The following LARP1 variants were observed in gnomAD, a reference collection of about 807,000 sequenced individuals.
The protein encoded by LARP1 is La ribonucleoprotein 1, translational regulator, also known as la-related protein 1.
LARP1 carries 36 observed loss-of-function variants against 122.7 expected under a neutral mutation model. The observed-to-expected ratio is 0.29, with a 90% CI of 0.22 to 0.39. The LOEUF (loss-of-function observed/expected upper bound fraction) is 0.39, where lower values mean the gene tolerates loss of function less well. Ranked by LOEUF, LARP1 falls within the 10% of genes least tolerant of loss-of-function variation. The pLI is 1.00. For missense variants in LARP1, 1,040 were observed against 1,403.6 expected, an observed-to-expected ratio of 0.74 and a Z score of 4.14; for synonymous variants, 539 against 528.7, an observed-to-expected ratio of 1.02 and a Z score of -0.27.
In LARP1 at chr5:154,771,806, C is replaced by T. The variant is rs542168556; in HGVS notation, c.436+15613C>T. Among the ~76,000 whole-genome samples the T allele has an allele frequency of 3.3e-5, 5 of 152,168 alleles. No individual in the cohort carries two copies. In the South Asian group the frequency reaches 1.0e-3, roughly 32 times the overall value. The stretch of plus-strand genomic sequence containing the variant: ...CTCTGCCGGGCCACATGCAGGCCTG[C>T]TGGAAAGACCTTGTAGTTTTTCACG... On this transcript the variant is annotated intron_variant, in intron 1 of 18. Transcript: ENST00000518297.
intron 1 of LARP1, among the ~76,000 whole-genome samples, chr5:154,720,051 C>T (rs1418122270): frequency 2.0e-5 from 3 of 151,864 alleles, no homozygotes; most frequent in Admixed American, 2.0e-4. Context: ...ATTAGCCAGG[C>T]GTGATGGCAT....
intron 14 of LARP1, 200 bp from the exon 15 acceptor site, chr5:154,805,681 C>T (rs1383107564): frequency 1.7e-6 from 1 of 572,132 alleles, no homozygotes; most frequent in African/African-American, 1.9e-5. Context: ...GCCTCAGTAT[C>T]CTCTGTAAAA....
chr5:154,704,071 G>C (rs1422313883), intron 1 of LARP1, among the ~76,000 whole-genome samples: 1 of 152,126 alleles, frequency 6.6e-6, no homozygotes, highest in African/African-American at 2.4e-5. Context: ...TTGTCAGAGA[G>C]GCACACATTA....
chr5:154,696,547 G>A (rs1708245346), intron 1 of LARP1, among the ~76,000 whole-genome samples: 1 of 152,128 alleles, frequency 6.6e-6, no homozygotes, highest in South Asian at 2.1e-4. Flanking sequence ...CATATGCATT[G>A]TCTCATGTAA....
rs1229233690 is a variant in LARP1, at chr5:154,717,922, TTTTTTC to T, written c.205+4798_205+4803del. Among the ~76,000 whole-genome samples, 8 of 152,142 alleles carry T rather than the reference TTTTTTC, an allele frequency of 5.3e-5. 1 individual carries two copies. The highest frequency in any genetic ancestry group is 1.7e-4 in the African/African-American group (7 of 41,440). On this transcript the variant is annotated intron_variant, in intron 1 of 18. Transcript: ENST00000336314. ...GGGTTAGAAATAGCCTTTCATTTTC[TTTTTTC>T]TTTTTAAGAGTCAGTGTTTCACTCT...
upstream of LARP1, among the ~76,000 whole-genome samples, chr5:154,712,197 C>G (rs4958765): frequency 0.79 from 120,647 of 152,164 alleles, 48,032 homozygotes; most frequent in African/African-American, 0.86. Flanking sequence ...GCTATATAAT[C>G]TCCAAAGTCT....
At chr5:154,691,491 C>T (rs1754205625) in intron 1 of LARP1, among the ~76,000 whole-genome samples, 1 of 152,184 alleles carries the variant, frequency 6.6e-6, no homozygotes, top group Non-Finnish European at 1.5e-5. Context: ...ACGAGCTGCG[C>T]GCAGGTCGCG....
At position 154,713,083 on chromosome 5, in the gene LARP1, G is replaced by T. The variant is rs116274616; in HGVS notation, c.158G>T (p.Arg53Met). Residue 53 changes from arginine to methionine, a missense_variant, in exon 1 of 19, where the codon AGG becomes ATG. By Grantham distance (91) the Arg-to-Met change is moderately conservative. Transcript: ENST00000336314. ...CCGAGGAAGGAGCCCACAGGTGACAGGGAGAAGCCATTGCCATTCCCTGTC... is the reference window on the plus strand; with the variant it reads ...CCGAGGAAGGAGCCCACAGGTGACATGGAGAAGCCATTGCCATTCCCTGTC... The T allele has an allele frequency of 2.8e-4, 445 of 1,614,166 alleles. 1 individual carries two copies. In the African/African-American group the frequency reaches 5.2e-3, roughly 19 times the overall value.
At chr5:154,775,233 G>T (rs1755772430) in intron 1 of LARP1, among the ~76,000 whole-genome samples, 2 of 152,186 alleles carry the variant, frequency 1.3e-5, no homozygotes, top group African/African-American at 4.8e-5. Context: ...TCAGGAGCTT[G>T]AGGCTGCGGT....
chr5:154,686,302 T>C (rs562132677), intron 1 of LARP1, among the ~76,000 whole-genome samples: 2 of 152,238 alleles, frequency 1.3e-5, no homozygotes, highest in East Asian at 3.9e-4. Context: ...GCGGGGATGC[T>C]CCGGAAGAGG....
At chr5:154,786,766 T>G (rs1756919224) in intron 1 of LARP1, 1 of 187,454 alleles carries the variant, frequency 5.3e-6, no homozygotes, top group East Asian at 1.5e-4. Flanking sequence ...CCTACAGCTT[T>G]CATCCTGGCT....
chr5:154,693,862 A>C (rs1225145526), intron 1 of LARP1, among the ~76,000 whole-genome samples: 1 of 150,580 alleles, frequency 6.6e-6, no homozygotes, highest in Non-Finnish European at 1.5e-5. Context: ...TCTAAAAAAA[A>C]AAAAAAAAAA....
rs747636210 is a variant in LARP1, at chr5:154,793,990, T to C, written c.1059T>C (p.Gly353=). 12 of 1,610,066 alleles carry C rather than the reference T, an allele frequency of 7.5e-6. No homozygotes were observed. Among genetic ancestry groups the C allele is most frequent in the Non-Finnish European group, 1.0e-5 (12 of 1,177,424 alleles). The change falls in exon 6 of 19, where the codon GGT becomes GGC. Residue 353 remains glycine (G), a synonymous_variant. Coordinates refer to ENST00000518297, the MANE Select transcript of LARP1 (RefSeq NM_033551.3). ...GTCGCGGCCGGGGACGCGGCCGGGG[T>C]GGCACTCGAAGTACGTGAGGCCCCT... ...GRGRGRGRGR[G]GTRTHFDYQF...
rs200363474 is a variant in LARP1, at chr5:154,805,938, A to G, written c.2604A>G (p.Ser868=). The G allele has an allele frequency of 1.9e-6, 3 of 1,614,176 alleles. No homozygotes were observed. Among genetic ancestry groups the G allele is most frequent in the East Asian group, 2.2e-5 (1 of 44,878 alleles). The change falls in exon 15 of 19, where the codon TCA becomes TCG. Residue 868 remains serine (S), a synonymous_variant. Transcript: ENST00000518297. ...GCAGCTATGGCTGTACCCCTCAGTC[A>G]TTGCCCAAGTTCCAGCATCCTTCCC... is the stretch of plus-strand genomic sequence containing the variant. The part of the protein sequence containing the change: ...TVGSYGCTPQ[S]LPKFQHPSHE...
chr5:154,705,434 G>C (rs1016241940), intron 1 of LARP1, among the ~76,000 whole-genome samples: 4 of 151,990 alleles, frequency 2.6e-5, no homozygotes, highest in Non-Finnish European at 5.9e-5. Context: ...TGCAAGTGGT[G>C]CAGTATCAGC....
At position 154,813,963 on chromosome 5, in the gene LARP1, G is replaced by A. The variant is rs1167502846; in HGVS notation, c.3158G>A (p.Arg1053Gln). Residue 1053 changes from arginine (R) to glutamine (Q), a missense_variant, in exon 19 of 19, where the codon CGG becomes CAG. Physicochemically the swap from Arg to Gln is conservative, Grantham distance 43 (BLOSUM62 1). This residue lies in a region of LARP1 where 129 missense variants were observed against 160.8 expected (regional missense o/e 0.80). Transcript: ENST00000518297. ...GGTGGCGGCGGTGAGGGCAGGAAGC[G>A]GTGCCCCTCCCAGTCTTCCAGCAGG... ...AGGGGGEGRK[R>Q]CPSQSSSRPA... 1.5e-5 allele frequency: 24 copies of A among 1,613,896 alleles called. No individual in the cohort carries two copies. Among genetic ancestry groups the A allele is most frequent in the Non-Finnish European group, 1.8e-5 (21 of 1,179,976 alleles).
chr5:154,703,048 G>C (rs901421059), intron 1 of LARP1, among the ~76,000 whole-genome samples: 5 of 149,724 alleles, frequency 3.3e-5, no homozygotes, highest in South Asian at 2.1e-4. Context: ...TTGAACCCGG[G>C]AGGTGGAGGT....
chr5:154,766,926 CAG>C (rs957645727), intron 1 of LARP1, among the ~76,000 whole-genome samples: 6 of 152,174 alleles, frequency 3.9e-5, no homozygotes, highest in Non-Finnish European at 8.8e-5. Flanking sequence ...GGAAGGGACT[CAG>C]AGGTCATTCA....
intron 1 of LARP1, among the ~76,000 whole-genome samples, chr5:154,693,172 C>G (rs963458833): frequency 6.6e-6 from 1 of 151,624 alleles, no homozygotes; most frequent in Non-Finnish European, 1.5e-5. Context: ...GGGTCTCACT[C>G]TGTTGCCCAG....
Sources: gnomAD v4.1 joint callset for allele counts (sites outside exome capture counted in the v4.1 genomes callset) on GRCh38, gnomAD v4.1.1 for gene constraint, gnomAD v4.1.1 regional missense constraint, MANE v1.5 for transcripts, NCBI Gene and HGNC (gene_info 2026-07-23, HGNC 2026-07-21) for gene names.